PACSIN1: variants seen among roughly 807,000 people sequenced by gnomAD.
The protein encoded by PACSIN1 is protein kinase C and casein kinase substrate in neurons protein 1.
A neutral mutation model predicts 59.5 loss-of-function variants in PACSIN1; 15 were observed. That is an observed-to-expected ratio of 0.25 (90% CI 0.17 to 0.39). PACSIN1 has a LOEUF of 0.39. PACSIN1 is among the 10% of genes least tolerant of loss of function. The pLI is 1.00. For synonymous variants in PACSIN1, 210 were observed against 220.6 expected (o/e 0.95, Z 0.42); for missense variants, 420 against 580.2 (o/e 0.72, Z 2.84).
chr6:34,526,837 GA>G (rs1370058328), intron 2 of PACSIN1, among the ~76,000 whole-genome samples: 2 of 152,070 alleles, frequency 1.3e-5, no homozygotes, highest in African/African-American at 4.8e-5. Context: ...TTGAGACCTG[GA>G]GAAAAAAAAT....
At chr6:34,481,338 C>T (rs1208252635) in intron 1 of PACSIN1, among the ~76,000 whole-genome samples, 1 of 152,214 alleles carries the variant, frequency 6.6e-6, no homozygotes, top group Admixed American at 6.5e-5. Context: ...GTGCAAGCCA[C>T]CGCGCCTGGC....
chr6:34,520,848 TG>T (rs1454197638), intron 1 of PACSIN1, among the ~76,000 whole-genome samples: 2 of 151,434 alleles, frequency 1.3e-5, no homozygotes, highest in African/African-American at 4.9e-5. Flanking sequence ...AGAGGGCGGG[TG>T]GGACTCGGGA....
chr6:34,523,066 C>G (rs1767422858), intron 1 of PACSIN1, among the ~76,000 whole-genome samples: 1 of 152,238 alleles, frequency 6.6e-6, no homozygotes, highest in Admixed American at 6.5e-5. Context: ...TCCCCTAATC[C>G]CATCAAGCTG....
rs1581979754 is a variant in PACSIN1, at chr6:34,516,981, C to T, written c.-63-9262C>T. 6.6e-6 allele frequency among the ~76,000 whole-genome samples: 1 copy of T among 152,284 alleles called. No homozygotes were observed. The highest frequency in any genetic ancestry group is 2.4e-5 in the African/African-American group (1 of 41,550). On this transcript the variant is annotated intron_variant, in intron 1 of 9. Transcript: ENST00000244458. The surrounding 1 kb of genome is among the most constrained non-coding windows in gnomAD (Gnocchi z 5.4). ...TCCCGGCTGGCCCCTCCTCACTGCC[C>T]TTGACCCCCGTGCAGGAGCTGGCAA...
intron 1 of PACSIN1, among the ~76,000 whole-genome samples, chr6:34,497,036 C>T (rs986299783): frequency 6.7e-6 from 1 of 149,364 alleles, no homozygotes; most frequent in African/African-American, 2.5e-5. Context: ...GCATCCTCCA[C>T]CTCCCGGGTT....
chr6:34,494,872 C>T (rs1435753137), intron 1 of PACSIN1, among the ~76,000 whole-genome samples: 1 of 152,224 alleles, frequency 6.6e-6, no homozygotes, highest in African/African-American at 2.4e-5. Context: ...TGCTCATCCT[C>T]TCCCTCAGAG....
In PACSIN1 at chr6:34,518,050, T is replaced by C. The variant is rs974764776; in HGVS notation, c.-63-8193T>C. The stretch of plus-strand genomic sequence containing the variant: ...TACCTGAGCCATTGCCTCAGGGACA[T>C]TGGGTTGGACAGGACACTGGGCCTG... On this transcript the variant is annotated intron_variant, in intron 1 of 9. Transcript: ENST00000244458. This position sits in a 1 kb window ranked among gnomAD's most constrained non-coding sequence, Gnocchi z 4.4. Among the ~76,000 whole-genome samples, 2 of 152,158 alleles carry C rather than the reference T, an allele frequency of 1.3e-5. No homozygotes were observed. Among genetic ancestry groups the C allele is most frequent in the African/African-American group, 4.8e-5 (2 of 41,426 alleles).
rs1187533711 is a variant in PACSIN1 at position 34,519,850 on chromosome 6, G to C, written c.-63-6393G>C. Reference sequence around the variant, plus strand: ...TTTGAACCTCATCTGCAGATATTCTGTCTGGCCTCTTGGTGCTGTTAGCTA... The same window carrying C: ...TTTGAACCTCATCTGCAGATATTCTCTCTGGCCTCTTGGTGCTGTTAGCTA... On this transcript the variant is annotated intron_variant, in intron 1 of 9. Coordinates refer to ENST00000244458, the MANE Select transcript of PACSIN1 (RefSeq NM_020804.5). 5.3e-5 allele frequency among the ~76,000 whole-genome samples: 8 copies of C among 152,292 alleles called. No homozygotes were observed. The East Asian group carries it at 1.5e-3, about 29-fold the overall frequency.
At chr6:34,505,996 A>G (rs1427639121) in intron 1 of PACSIN1, among the ~76,000 whole-genome samples, 1 of 151,884 alleles carries the variant, frequency 6.6e-6, no homozygotes, top group Non-Finnish European at 1.5e-5. Context: ...AAATTCTATC[A>G]GTTTGGTTCT....
chr6:34,483,073 TG>T (rs1204180779), intron 1 of PACSIN1, among the ~76,000 whole-genome samples: 3 of 148,976 alleles, frequency 2.0e-5, no homozygotes, highest in South Asian at 2.1e-4. Context: ...GGCACGATCA[TG>T]GCTCACTGCA....
rs1304423097 is a variant in PACSIN1, at chr6:34,521,679, C to A, written c.-63-4564C>A. Reference sequence around the variant, plus strand: ...TCCTGGCTCCACAGAGAGAGAGGGCCACCCCTGAGATGGAGCTGTTGCTCC... The same window carrying A: ...TCCTGGCTCCACAGAGAGAGAGGGCAACCCCTGAGATGGAGCTGTTGCTCC... On this transcript the variant is annotated intron_variant, in intron 1 of 9. Coordinates refer to ENST00000244458, the MANE Select transcript of PACSIN1 (RefSeq NM_020804.5). This position sits in a 1 kb window ranked among gnomAD's most constrained non-coding sequence, Gnocchi z 4.3. Among the ~76,000 whole-genome samples, 1 of 152,118 alleles carries A rather than the reference C, an allele frequency of 6.6e-6. No individual in the cohort carries two copies. The highest frequency in any genetic ancestry group is 2.4e-5 in the African/African-American group (1 of 41,408).
chr6:34,478,358 C>CTATTTATCT (rs1288080151), intron 1 of PACSIN1, among the ~76,000 whole-genome samples: 10 of 142,902 alleles, frequency 7.0e-5, no homozygotes, highest in African/African-American at 2.6e-4. Flanking sequence ...CACGCCGAGC[C>CTATTTATCT]TATTTATCTT....
intron 1 of PACSIN1, among the ~76,000 whole-genome samples, chr6:34,522,725 C>G (rs1314014096): frequency 6.6e-6 from 1 of 152,210 alleles, no homozygotes; most frequent in African/African-American, 2.4e-5. Context: ...GGCCTGAGAA[C>G]CAGGGGGGCC....
rs1767593632 is a variant in PACSIN1 at position 34,531,571 on chromosome 6, T to A, written c.1038-29T>A. 2.5e-6 allele frequency: 4 copies of A among 1,609,610 alleles called. No homozygotes were observed. Among genetic ancestry groups the A allele is most frequent in the Non-Finnish European group, 2.5e-6 (3 of 1,177,370 alleles). On this transcript the variant is annotated intron_variant, in intron 8 of 9. Transcript: ENST00000244458. The surrounding 1 kb of genome is among the most constrained non-coding windows in gnomAD (Gnocchi z 4.4). Reference sequence around the variant, plus strand: ...CTCGGGATGCGGTACGGGGAGACATTGAAGCTGGCTCCTTCCTCCGCGTCT... The same window carrying A: ...CTCGGGATGCGGTACGGGGAGACATAGAAGCTGGCTCCTTCCTCCGCGTCT...
rs746153140 is a variant in PACSIN1 at position 34,530,526 on chromosome 6, G to A, written c.976G>A (p.Val326Met). ...GAAACAGCCTAAGAAGGCAGAGGGA[G>A]TGGCGCTGACCAATGCCACTGGGGC... ...KEKQPKKAEGVALTNATGAVE... is the reference protein window; with the variant it reads ...KEKQPKKAEGMALTNATGAVE... The change falls in exon 8 of 10, where the codon GTG (valine) becomes ATG (methionine). Residue 326 changes from valine (V) to methionine (M), a missense_variant. By Grantham distance (21) the Val-to-Met change is conservative (BLOSUM62 1). Transcript: ENST00000244458. The surrounding 1 kb of genome is among the most constrained non-coding windows in gnomAD (Gnocchi z 4.4). The A allele has an allele frequency of 5.0e-6, 8 of 1,610,240 alleles. No homozygotes were observed. The East Asian group carries it at 1.6e-4, about 31-fold the overall frequency.
chr6:34,474,439 A>T (rs771423565), intron 1 of PACSIN1, among the ~76,000 whole-genome samples: 5 of 151,950 alleles, frequency 3.3e-5, no homozygotes, highest in African/African-American at 4.8e-5. Context: ...ATCAGATCAC[A>T]TCCTTCCTCT....
chr6:34,531,203 T>A lies in PACSIN1; in HGVS notation c.1038-397T>A, dbSNP rs921978588. Among the ~76,000 whole-genome samples the A allele has an allele frequency of 6.6e-6, 1 of 152,218 alleles. No individual in the cohort carries two copies. Among genetic ancestry groups the A allele is most frequent in the Non-Finnish European group, 1.5e-5 (1 of 68,034 alleles). ...CTCAAGTGCGTAAATATTACCATTT[T>A]ACAGATGGAGAAACTGAAACCCAGA... On this transcript the variant is annotated intron_variant, in intron 8 of 9. Coordinates refer to ENST00000244458, the MANE Select transcript of PACSIN1 (RefSeq NM_020804.5). The surrounding 1 kb of genome is among the most constrained non-coding windows in gnomAD (Gnocchi z 4.4).
intron 1 of PACSIN1, among the ~76,000 whole-genome samples, chr6:34,482,649 G>T (rs1766735640): frequency 6.6e-6 from 1 of 150,924 alleles, no homozygotes; most frequent in African/African-American, 2.4e-5. Context: ...GAGTAGAATT[G>T]CTGGGTCATA....
intron 1 of PACSIN1, among the ~76,000 whole-genome samples, chr6:34,470,150 A>G (rs1369968215): frequency 2.6e-5 from 4 of 151,866 alleles, no homozygotes; most frequent in Non-Finnish European, 5.9e-5. Context: ...ATACCTGAAA[A>G]CTGGGAGGGC....
Sources: gnomAD v4.1 joint callset for allele counts (sites outside exome capture counted in the v4.1 genomes callset) on GRCh38, gnomAD v4.1.1 for gene constraint, Gnocchi (gnomAD v3.1) non-coding constraint, MANE v1.5 for transcripts, NCBI Gene and HGNC (gene_info 2026-07-23, HGNC 2026-07-21) for gene names.